The following PDZRN4 variants were observed in gnomAD, a reference collection of about 807,000 sequenced individuals.
PDZRN4 encodes PDZ domain-containing RING finger protein 4.
A neutral mutation model predicts 99.0 loss-of-function variants in PDZRN4; 70 were observed. The ratio of observed to expected loss-of-function variants is 0.71; its 90% confidence interval spans 0.58 to 0.86. PDZRN4 has a LOEUF of 0.86. Ranked by LOEUF, PDZRN4 falls within the 40% of genes least tolerant of loss-of-function variation. PDZRN4 has a pLI of 0.00. For synonymous variants in PDZRN4, 551 were observed against 501.6 expected (o/e 1.10, Z -1.32); for missense variants, 1,474 against 1,331.2 (o/e 1.11, Z -1.67).
At chr12:41,511,576 C>T (rs1721647822) in intron 5 of PDZRN4, among the ~76,000 whole-genome samples, 1 of 152,052 alleles carries the variant, frequency 6.6e-6, no homozygotes, top group Non-Finnish European at 1.5e-5. Context: ...GTTGCTATGA[C>T]AGTTTTCAAT....
chr12:41,557,824 A>C (rs905964462), intron 7 of PDZRN4, among the ~76,000 whole-genome samples: 1 of 152,212 alleles, frequency 6.6e-6, no homozygotes, highest in Admixed American at 6.5e-5. Context: ...CTCCCGAAAT[A>C]GTGATCTATA....
chr12:41,472,410 A>G (rs1953002546), intron 3 of PDZRN4, among the ~76,000 whole-genome samples: 1 of 152,240 alleles, frequency 6.6e-6, no homozygotes, highest in Non-Finnish European at 1.5e-5. Flanking sequence ...TTATAGATAT[A>G]CATTTTTGTT....
chr12:41,530,917 GCCCTGCTGCTCAAA>G (rs2120738960), intron 5 of PDZRN4, among the ~76,000 whole-genome samples: 2 of 152,178 alleles, frequency 1.3e-5, no homozygotes, highest in South Asian at 4.2e-4. Flanking sequence ...CTTCTTCAGT[GCCCTGCTGCTCAAA>G]CCCCTAGGGT....
intron 3 of PDZRN4, among the ~76,000 whole-genome samples, chr12:41,426,772 G>A (rs375607950): frequency 6.6e-6 from 1 of 152,154 alleles, no homozygotes; most frequent in African/African-American, 2.4e-5. Flanking sequence ...AAATTATAAT[G>A]ATGTGAGGCA....
At chr12:41,450,471 T>G in intron 3 of PDZRN4, among the ~76,000 whole-genome samples, 1 of 152,200 alleles carries the variant, frequency 6.6e-6, no homozygotes. Context: ...GCTAACCATA[T>G]TTCCCATGTA....
chr12:41,489,055 T>C (rs1937831492), intron 3 of PDZRN4, among the ~76,000 whole-genome samples: 1 of 152,174 alleles, frequency 6.6e-6, no homozygotes, highest in Non-Finnish European at 1.5e-5. Context: ...TTAAAATAAA[T>C]TTGTAAACTT....
At chr12:41,533,502 C>A (rs1198637564) in intron 5 of PDZRN4, among the ~76,000 whole-genome samples, 1 of 152,026 alleles carries the variant, frequency 6.6e-6, no homozygotes, top group Non-Finnish European at 1.5e-5. Context: ...AATTTAGTAA[C>A]CCTCATTATT....
intron 3 of PDZRN4, among the ~76,000 whole-genome samples, chr12:41,269,043 A>G (rs1255843965): frequency 6.6e-6 from 1 of 152,180 alleles, no homozygotes; most frequent in East Asian, 1.9e-4. Context: ...AGAGCAAACA[A>G]GGATATTTAG....
intron 3 of PDZRN4, among the ~76,000 whole-genome samples, chr12:41,251,015 G>A (rs368930539): frequency 1.2e-4 from 19 of 152,144 alleles, no homozygotes; most frequent in South Asian, 4.1e-4. Flanking sequence ...TTGTTTTCAG[G>A]ATTGTACTGG....
At chr12:41,439,239 AC>A (rs1420785365) in intron 3 of PDZRN4, among the ~76,000 whole-genome samples, 1 of 152,144 alleles carries the variant, frequency 6.6e-6, no homozygotes, top group Non-Finnish European at 1.5e-5. Context: ...CAGGGGCAAT[AC>A]CTTTTGCTTC....
intron 3 of PDZRN4, among the ~76,000 whole-genome samples, chr12:41,399,090 G>T (rs1360939643): frequency 6.6e-6 from 1 of 151,830 alleles, no homozygotes; most frequent in East Asian, 1.9e-4. Context: ...AACTAGAAAG[G>T]TCTAAAAATA....
At chr12:41,344,553 AG>A (rs66894828) in intron 3 of PDZRN4, among the ~76,000 whole-genome samples, 55,569 of 148,672 alleles carry the variant, frequency 0.37, 10,242 homozygotes, top group African/African-American at 0.39. Context: ...AATGAAAAAA[AG>A]AAAAAACAAC....
chr12:41,194,183 A>G lies in PDZRN4; in HGVS notation c.838A>G (p.Met280Val). 4 of 1,403,826 alleles carry G rather than the reference A, an allele frequency of 2.8e-6. No homozygotes were observed. The highest frequency in any genetic ancestry group is 4.0e-6 in the Non-Finnish European group (4 of 1,002,112). 87.0% of individuals were successfully genotyped at this position (1,403,826 alleles called of 1,614,324 possible). A position where few individuals can be genotyped will look rare whatever the true frequency, so the allele number is the denominator to read the frequency against. Residue 280 changes from methionine (M) to valine (V), a missense_variant, in exon 3 of 10, where the codon ATG (methionine) becomes GTG (valine). Met to Val is a conservative substitution (Grantham distance 21, BLOSUM62 1). Transcript: ENST00000402685. ...TGGCCTGGAGATTCATGACAAAATC[A>G]TGGAGGTAAGACAATGATAAAACAT... is the stretch of plus-strand genomic sequence containing the variant. ...ADGLEIHDKI[M>V]EVNGKDLSKA...
intron 6 of PDZRN4, 65 bp from the exon 7 acceptor site, chr12:41,555,633 A>T (rs1592110605): frequency 8.2e-7 from 1 of 1,225,076 alleles, no homozygotes; most frequent in East Asian, 2.3e-5. Flanking sequence ...TTTTAAAGCC[A>T]TATTTTTAAG....
At chr12:41,334,582 C>G (rs1592016596) in intron 3 of PDZRN4, among the ~76,000 whole-genome samples, 1 of 152,202 alleles carries the variant, frequency 6.6e-6, no homozygotes, top group African/African-American at 2.4e-5. Context: ...GAGCTTCTCT[C>G]AGAACCCAGT....
In PDZRN4 at chr12:41,443,643, G is replaced by T. The variant is rs190075521; in HGVS notation, c.844-62813G>T. Among the ~76,000 whole-genome samples the T allele has an allele frequency of 1.4e-4, 21 of 152,240 alleles. No homozygotes were observed. In the East Asian group the frequency reaches 4.1e-3, roughly 29 times the overall value. ...AACAAGCGAAACCAACCAGGAGGCTGCTGAAAAGCCTAAGTTAGTGGTCAA... is the reference window on the plus strand; with the variant it reads ...AACAAGCGAAACCAACCAGGAGGCTTCTGAAAAGCCTAAGTTAGTGGTCAA... On this transcript the variant is annotated intron_variant, in intron 3 of 9. Transcript: ENST00000402685.
chr12:41,439,586 T>A (rs1952659589), intron 3 of PDZRN4, among the ~76,000 whole-genome samples: 1 of 152,208 alleles, frequency 6.6e-6, no homozygotes. Flanking sequence ...AGGACCACTG[T>A]ATTTGCTAAG....
intron 3 of PDZRN4, among the ~76,000 whole-genome samples, chr12:41,280,033 T>A (rs1246930461): frequency 6.6e-6 from 1 of 152,140 alleles, no homozygotes; most frequent in Non-Finnish European, 1.5e-5. Flanking sequence ...TCATTGGGAC[T>A]GGTTAGACAG....
rs550140137 is a variant in PDZRN4, at chr12:41,498,199, A to G, written c.844-8257A>G. On this transcript the variant is annotated intron_variant, in intron 3 of 9. Transcript: ENST00000402685. Reference sequence around the variant, plus strand: ...CACCAGTAATAGACAAATAAACATTACATGCCTCCTGATAAGATAGGCTGA... The same window carrying G: ...CACCAGTAATAGACAAATAAACATTGCATGCCTCCTGATAAGATAGGCTGA... 3.1e-4 allele frequency among the ~76,000 whole-genome samples: 47 copies of G among 152,148 alleles called. 1 individual carries two copies. The highest frequency in any genetic ancestry group is 7.2e-4 in the Admixed American group (11 of 15,256).
Sources: allele counts gnomAD v4.1 joint callset (sites outside exome capture counted in the v4.1 genomes callset), GRCh38; gene constraint gnomAD v4.1.1; transcripts MANE v1.5; gene names NCBI Gene and HGNC (gene_info 2026-07-23, HGNC 2026-07-21).